The following NRXN3 variants were observed in gnomAD, a reference collection of about 807,000 sequenced individuals.
NRXN3 encodes neurexin III.
Under a neutral mutation model 137.6 loss-of-function variants are expected in NRXN3, and 32 were observed. That is an observed-to-expected ratio of 0.23 (90% CI 0.18 to 0.31). The LOEUF is 0.31. Ranked by LOEUF, NRXN3 falls within the 10% of genes least tolerant of loss-of-function variation. NRXN3 has a pLI of 1.00. For synonymous variants in NRXN3, 798 were observed against 784.5 expected (o/e 1.02, Z -0.29); for missense variants, 1,574 against 2,062.5 (o/e 0.76, Z 4.59).
intron 14 of NRXN3, among the ~76,000 whole-genome samples, chr14:78,983,933 A>G (rs1452799165): frequency 6.6e-6 from 1 of 151,916 alleles, no homozygotes; most frequent in Non-Finnish European, 1.5e-5. Flanking sequence ...ATGAACCCGG[A>G]GGATATTATG....
chr14:79,358,866 G>A (rs1276869019), intron 15 of NRXN3, among the ~76,000 whole-genome samples: 1 of 152,072 alleles, frequency 6.6e-6, no homozygotes, highest in Non-Finnish European at 1.5e-5. Context: ...CCTTAAAGAT[G>A]TGACTTAAAA....
At chr14:78,895,953 G>T (rs1350598035) in intron 10 of NRXN3, among the ~76,000 whole-genome samples, 1 of 151,732 alleles carries the variant, frequency 6.6e-6, no homozygotes, top group Non-Finnish European at 1.5e-5. Context: ...TGACATCAAA[G>T]ATCACTCATC....
At chr14:78,958,015 G>A (rs2099400192) in intron 11 of NRXN3, among the ~76,000 whole-genome samples, 1 of 152,138 alleles carries the variant, frequency 6.6e-6, no homozygotes, top group Non-Finnish European at 1.5e-5. Context: ...TTTCCTAAGA[G>A]TCTGTTCTAT....
intron 4 of NRXN3, among the ~76,000 whole-genome samples, chr14:78,437,606 C>T (rs980985092): frequency 4.6e-5 from 7 of 152,192 alleles, no homozygotes; most frequent in African/African-American, 1.7e-4. Flanking sequence ...GCCTTGGCCT[C>T]TCAAAGTGCT....
intron 19 of NRXN3, among the ~76,000 whole-genome samples, chr14:79,739,365 C>T (rs1470764180): frequency 1.3e-5 from 2 of 152,242 alleles, no homozygotes; most frequent in Non-Finnish European, 1.5e-5. Context: ...CCAGCCCTCA[C>T]TGGGCATGGT....
intron 10 of NRXN3, among the ~76,000 whole-genome samples, chr14:78,885,843 C>T (rs1010218283): frequency 2.0e-5 from 3 of 151,872 alleles, no homozygotes; most frequent in African/African-American, 7.3e-5. Flanking sequence ...CAAACTAGCC[C>T]AAGAAAAGAG....
intron 8 of NRXN3, among the ~76,000 whole-genome samples, chr14:78,778,784 CTTT>C (rs2098756807): frequency 2.4e-5 from 3 of 123,840 alleles, no homozygotes; most frequent in Non-Finnish European, 3.3e-5. Context: ...TTCTTTCTTT[CTTT>C]CTTTCTTTCT....
intron 4 of NRXN3, among the ~76,000 whole-genome samples, chr14:78,363,817 T>G (rs1310011762): frequency 6.6e-6 from 1 of 152,228 alleles, no homozygotes; most frequent in East Asian, 1.9e-4. Context: ...TGTCCTAAGC[T>G]GCCCTCATGA....
At chr14:79,032,878 CTG>C (rs1197308931) in intron 15 of NRXN3, among the ~76,000 whole-genome samples, 2 of 152,110 alleles carry the variant, frequency 1.3e-5, no homozygotes, top group Non-Finnish European at 2.9e-5. Context: ...GTTATTTTAT[CTG>C]TGAAACAGGG....
intron 15 of NRXN3, among the ~76,000 whole-genome samples, chr14:79,063,314 G>A (rs941056586): frequency 2.0e-5 from 3 of 151,924 alleles, no homozygotes; most frequent in Admixed American, 2.0e-4. Flanking sequence ...ATGGAGTCTC[G>A]CTCTTATTGC....
At chr14:79,102,078 TCTG>T in intron 15 of NRXN3, among the ~76,000 whole-genome samples, 1 of 152,156 alleles carries the variant, frequency 6.6e-6, no homozygotes, top group Non-Finnish European at 1.5e-5. Flanking sequence ...AGAGCATTGC[TCTG>T]CTCATGTCTT....
chr14:79,179,224 T>C (rs2062669636), intron 15 of NRXN3, among the ~76,000 whole-genome samples: 2 of 152,260 alleles, frequency 1.3e-5, no homozygotes, highest in Non-Finnish European at 2.9e-5. Flanking sequence ...ACTAGACATA[T>C]ACAAAGAGCA....
At chr14:78,394,111 G>C (rs1320716192) in intron 4 of NRXN3, among the ~76,000 whole-genome samples, 2 of 151,752 alleles carry the variant, frequency 1.3e-5, no homozygotes, top group Non-Finnish European at 2.9e-5. Context: ...TATTTTACTG[G>C]CTAGAACTTC....
intron 16 of NRXN3, among the ~76,000 whole-genome samples, chr14:79,509,387 G>C (rs907136514): frequency 3.3e-5 from 5 of 151,902 alleles, no homozygotes; most frequent in Admixed American, 3.3e-4. Context: ...ATCATGGCGT[G>C]TGCCTGTAGT....
At chr14:79,390,401 C>T (rs547630972) in intron 15 of NRXN3, among the ~76,000 whole-genome samples, 1 of 151,958 alleles carries the variant, frequency 6.6e-6, no homozygotes, top group East Asian at 1.9e-4. Context: ...TTCCTATCTT[C>T]ATCCTTCAGG....
intron 4 of NRXN3, among the ~76,000 whole-genome samples, chr14:78,359,304 G>A (rs965528897): frequency 3.9e-5 from 6 of 152,128 alleles, no homozygotes; most frequent in Non-Finnish European, 5.9e-5. Context: ...CTCAGGTGTG[G>A]CCTGGGCAGT....
intron 15 of NRXN3, among the ~76,000 whole-genome samples, chr14:79,152,615 C>A (rs919255361): frequency 6.6e-6 from 1 of 151,982 alleles, no homozygotes; most frequent in Non-Finnish European, 1.5e-5. Flanking sequence ...TCTTACATAG[C>A]AGCAGGCAAG....
intron 15 of NRXN3, among the ~76,000 whole-genome samples, chr14:79,334,777 A>G (rs2092115848): frequency 6.6e-6 from 1 of 152,134 alleles, no homozygotes; most frequent in Admixed American, 6.5e-5. Flanking sequence ...CGGCCTTCTT[A>G]AGTGTTTGCT....
intron 15 of NRXN3, among the ~76,000 whole-genome samples, chr14:79,324,189 G>T (rs1463274567): frequency 1.3e-5 from 2 of 152,202 alleles, no homozygotes; most frequent in Non-Finnish European, 2.9e-5. Flanking sequence ...AAACCAGACA[G>T]AATCAGGCCT....
Sources: gnomAD v4.1 joint callset for allele counts (sites outside exome capture counted in the v4.1 genomes callset) on GRCh38, gnomAD v4.1.1 for gene constraint, MANE v1.5 for transcripts, NCBI Gene and HGNC (gene_info 2026-07-23, HGNC 2026-07-21) for gene names.